RPS6KC1: variants seen among roughly 807,000 people sequenced by gnomAD.
The protein encoded by RPS6KC1 is inactive ribosomal protein S6 kinase delta-1.
RPS6KC1 carries 54 observed loss-of-function variants against 103.8 expected under a neutral mutation model. That is an observed-to-expected ratio of 0.52 (90% CI 0.42 to 0.65). The LOEUF is 0.65. Among genes scored for constraint, RPS6KC1 ranks in the 30% least tolerant of loss-of-function variants. RPS6KC1 has a pLI of 0.00. For missense variants in RPS6KC1, 1,151 were observed against 1,253.8 expected (o/e 0.92, Z 1.24); for synonymous variants, 439 against 438.7 (o/e 1.00, Z -0.01).
intron 8 of RPS6KC1, among the ~76,000 whole-genome samples, chr1:213,180,418 T>C (rs2092194272): frequency 6.6e-6 from 1 of 152,216 alleles, no homozygotes; most frequent in Non-Finnish European, 1.5e-5. Context: ...AAACAAATTA[T>C]TGCTCATGAT....
the RPS6KC1 span, among the ~76,000 whole-genome samples, chr1:213,314,680 G>C: frequency 6.7e-6 from 1 of 149,932 alleles, no homozygotes; most frequent in African/African-American, 2.5e-5. Context: ...TTCCTTCTGG[G>C]TTTTCTCTAT....
chr1:213,482,267 C>T, the RPS6KC1 span, among the ~76,000 whole-genome samples: 1 of 152,006 alleles, frequency 6.6e-6, no homozygotes, highest in African/African-American at 2.4e-5. Flanking sequence ...TTTTGATGCT[C>T]TTCTTGGTTT....
chr1:213,607,745 G>T, the RPS6KC1 span, among the ~76,000 whole-genome samples: 4 of 142,636 alleles, frequency 2.8e-5, no homozygotes, highest in African/African-American at 7.9e-5. Context: ...TAAAAAAGAG[G>T]TAGCTTTCTT....
chr1:213,338,098 C>G, the RPS6KC1 span, among the ~76,000 whole-genome samples: 1 of 152,108 alleles, frequency 6.6e-6, no homozygotes, highest in South Asian at 2.1e-4. Context: ...AGCTGAATTC[C>G]TAAGTTCTTG....
the RPS6KC1 span, among the ~76,000 whole-genome samples, chr1:213,707,949 G>A: frequency 2.0e-5 from 3 of 152,164 alleles, no homozygotes; most frequent in Admixed American, 2.0e-4. Context: ...CTGTAGTCTT[G>A]TAGTATAGTT....
At chr1:213,448,739 A>G in the RPS6KC1 span, among the ~76,000 whole-genome samples, 1 of 149,810 alleles carries the variant, frequency 6.7e-6, no homozygotes, top group Non-Finnish European at 1.5e-5. Flanking sequence ...TTCAATCTCC[A>G]TCTCTTGGAG....
chr1:213,760,394 C>G, the RPS6KC1 span, among the ~76,000 whole-genome samples: 1 of 152,176 alleles, frequency 6.6e-6, no homozygotes, highest in Non-Finnish European at 1.5e-5. Flanking sequence ...TGCTGCCGGT[C>G]CCTGCCCAGA....
At chr1:213,138,354 T>C (rs1433173084) in intron 6 of RPS6KC1, among the ~76,000 whole-genome samples, 2 of 152,198 alleles carry the variant, frequency 1.3e-5, no homozygotes, top group East Asian at 1.9e-4. Context: ...TTTTCTTTTT[T>C]TTCTTCACAA....
the RPS6KC1 span, among the ~76,000 whole-genome samples, chr1:213,700,103 A>C: frequency 6.6e-6 from 1 of 150,644 alleles, no homozygotes; most frequent in Non-Finnish European, 1.5e-5. Flanking sequence ...CTTGTAGGGT[A>C]TTCCTCAAGA....
At chr1:213,504,230 A>G in the RPS6KC1 span, among the ~76,000 whole-genome samples, 1 of 152,224 alleles carries the variant, frequency 6.6e-6, no homozygotes, top group East Asian at 1.9e-4. Context: ...ATTCTATCAT[A>G]GTCAAGTAGT....
chr1:213,729,889 C>A, the RPS6KC1 span, among the ~76,000 whole-genome samples: 1 of 151,960 alleles, frequency 6.6e-6, no homozygotes, highest in African/African-American at 2.4e-5. Flanking sequence ...AACCTACTGC[C>A]CAATAGTTAT....
the RPS6KC1 span, among the ~76,000 whole-genome samples, chr1:213,693,872 T>C: frequency 4.6e-5 from 7 of 152,230 alleles, no homozygotes; most frequent in Non-Finnish European, 1.0e-4. Context: ...GCCCAGTCAA[T>C]TCCATGGGGG....
In RPS6KC1 at chr1:213,117,310, T is replaced by C. The variant is rs752099602; in HGVS notation, c.379-7T>C. ...CTAATGAAACACAATTGCTCTTATC[T>C]CTTTAGGGTGGAATAATTAATGATA... On this transcript the variant is annotated splice_region_variant and splice_polypyrimidine_tract_variant and intron_variant, in intron 4 of 14. Coordinates refer to ENST00000366960, the MANE Select transcript of RPS6KC1 (RefSeq NM_012424.6). The C allele has an allele frequency of 6.4e-7, 1 of 1,550,534 alleles. No homozygotes were observed. Among genetic ancestry groups the C allele is most frequent in the South Asian group, 1.2e-5 (1 of 86,306 alleles).
chr1:213,703,423 G>C, the RPS6KC1 span, among the ~76,000 whole-genome samples: 1 of 152,010 alleles, frequency 6.6e-6, no homozygotes, highest in Non-Finnish European at 1.5e-5. Context: ...TATTTTTTCT[G>C]TGTACTTATT....
chr1:213,313,794 T>C, the RPS6KC1 span, among the ~76,000 whole-genome samples: 1 of 151,710 alleles, frequency 6.6e-6, no homozygotes, highest in Non-Finnish European at 1.5e-5. Context: ...CTACTAAAAG[T>C]ACAAAAAAAT....
At chr1:213,628,828 A>G in the RPS6KC1 span, among the ~76,000 whole-genome samples, 1 of 152,084 alleles carries the variant, frequency 6.6e-6, no homozygotes, top group East Asian at 1.9e-4. Flanking sequence ...ATCTGCCTTC[A>G]TTTCGTTATG....
At chr1:213,325,344 C>T in the RPS6KC1 span, among the ~76,000 whole-genome samples, 1 of 152,144 alleles carries the variant, frequency 6.6e-6, no homozygotes, top group African/African-American at 2.4e-5. Flanking sequence ...TTAGCATATC[C>T]CTGGGTGGAG....
the RPS6KC1 span, among the ~76,000 whole-genome samples, chr1:213,295,696 A>G: frequency 6.6e-6 from 1 of 152,354 alleles, no homozygotes; most frequent in South Asian, 2.1e-4. Flanking sequence ...TTAACACGTC[A>G]TTGACCTTGA....
At chr1:213,625,004 A>G in the RPS6KC1 span, among the ~76,000 whole-genome samples, 1 of 152,066 alleles carries the variant, frequency 6.6e-6, no homozygotes, top group Non-Finnish European at 1.5e-5. Flanking sequence ...CTTTTCCAAG[A>G]CAGAGCCTCA....
Sources: allele counts gnomAD v4.1 joint callset (sites outside exome capture counted in the v4.1 genomes callset), GRCh38; gene constraint gnomAD v4.1.1; transcripts MANE v1.5; gene names NCBI Gene and HGNC (gene_info 2026-07-23, HGNC 2026-07-21).